Variants in SPSB1 observed in about 807,000 individuals in gnomAD.
SPSB1 encodes SPRY domain-containing SOCS box protein 1.
A neutral mutation model predicts 21.2 loss-of-function variants in SPSB1; 8 were observed. That is an observed-to-expected ratio of 0.38 (90% CI 0.22 to 0.68). The LOEUF (loss-of-function observed/expected upper bound fraction) is 0.68. SPSB1 is among the 30% of genes least tolerant of loss of function. SPSB1 has a pLI of 0.53. For missense variants in SPSB1, 242 were observed against 377.8 expected (o/e 0.64, Z 2.98); for synonymous variants, 169 against 161.7 (o/e 1.05, Z -0.34).
chr1:9,354,472 G>T (rs1225000268), intron 1 of SPSB1, among the ~76,000 whole-genome samples: 1 of 152,056 alleles, frequency 6.6e-6, no homozygotes, highest in Non-Finnish European at 1.5e-5. Flanking sequence ...GGCCAAGGAG[G>T]TTCTTGATGG....
chr1:9,331,644 A>G (rs1393375612), intron 1 of SPSB1, among the ~76,000 whole-genome samples: 1 of 151,948 alleles, frequency 6.6e-6, no homozygotes, highest in Non-Finnish European at 1.5e-5. Flanking sequence ...ACTCATTCTT[A>G]TGGGCTCACG....
intron 1 of SPSB1, among the ~76,000 whole-genome samples, chr1:9,307,318 C>T (rs1341603505): frequency 1.3e-5 from 2 of 152,198 alleles, no homozygotes; most frequent in Non-Finnish European, 2.9e-5. Context: ...TTCACAATGT[C>T]GTGCAACTAT....
rs1557452801 is a variant in SPSB1, at chr1:9,324,154, A to G, written c.-150+31083A>G. Among the ~76,000 whole-genome samples the G allele has an allele frequency of 6.6e-6, 1 of 152,010 alleles. No individual in the cohort carries two copies. Among genetic ancestry groups the G allele is most frequent in the Admixed American group, 6.5e-5 (1 of 15,274 alleles). Reference sequence around the variant, plus strand: ...TTTGTGTGCCAAAGTGGGGAACCATATTTCTGGTAGATAATCACTGGTTTT... The same window carrying G: ...TTTGTGTGCCAAAGTGGGGAACCATGTTTCTGGTAGATAATCACTGGTTTT... On this transcript the variant is annotated intron_variant, in intron 1 of 2. Transcript: ENST00000328089. The surrounding 1 kb of genome is among the most constrained non-coding windows in gnomAD (Gnocchi z 4.3).
chr1:9,300,048 G>A (rs1280593047), intron 1 of SPSB1, among the ~76,000 whole-genome samples: 2 of 151,300 alleles, frequency 1.3e-5, no homozygotes, highest in Non-Finnish European at 2.9e-5. Flanking sequence ...GCAAGAAGTC[G>A]CAACCACTGT....
intron 1 of SPSB1, among the ~76,000 whole-genome samples, chr1:9,343,498 C>A (rs1488450112): frequency 6.6e-6 from 1 of 152,140 alleles, no homozygotes; most frequent in Non-Finnish European, 1.5e-5. Flanking sequence ...ATTTGTTTAT[C>A]CATGCATCCA....
intron 2 of SPSB1, among the ~76,000 whole-genome samples, chr1:9,357,827 C>A (rs761195965): frequency 1.1e-4 from 16 of 152,082 alleles, no homozygotes; most frequent in South Asian, 2.1e-4. Context: ...CGTTGCAGAA[C>A]GGCTCACCCC....
intron 2 of SPSB1, among the ~76,000 whole-genome samples, chr1:9,360,564 G>A (rs4908855): frequency 0.34 from 52,133 of 152,060 alleles, 9,734 homozygotes; most frequent in East Asian, 0.57. Context: ...GGGGGAGCCC[G>A]CCCCATGCCT....
intron 1 of SPSB1, among the ~76,000 whole-genome samples, chr1:9,300,302 A>G (rs1452284012): frequency 1.3e-5 from 2 of 152,216 alleles, no homozygotes; most frequent in Admixed American, 6.5e-5. Flanking sequence ...GTGTTACTCC[A>G]GCCCATTTGC....
intron 1 of SPSB1, among the ~76,000 whole-genome samples, chr1:9,297,368 C>T (rs1639242909): frequency 6.6e-6 from 1 of 152,068 alleles, no homozygotes; most frequent in African/African-American, 2.4e-5. Context: ...TTGGAAAAAC[C>T]TACCTGTGAC....
intron 1 of SPSB1, among the ~76,000 whole-genome samples, chr1:9,352,784 C>T (rs1182575647): frequency 6.6e-6 from 1 of 151,654 alleles, no homozygotes; most frequent in Non-Finnish European, 1.5e-5. Flanking sequence ...CTGGCATTTT[C>T]AATTACCTGC....
intron 2 of SPSB1, among the ~76,000 whole-genome samples, chr1:9,366,577 CTTTT>C (rs35877709): frequency 7.4e-6 from 1 of 135,540 alleles, no homozygotes; most frequent in Non-Finnish European, 1.6e-5. Flanking sequence ...GTCCTCAGTT[CTTTT>C]TTTTTTTTTT....
chr1:9,367,104 G>A lies in SPSB1; in HGVS notation c.695-344G>A, dbSNP rs1640588407. On this transcript the variant is annotated intron_variant, in intron 2 of 2. Coordinates refer to ENST00000328089, the MANE Select transcript of SPSB1 (RefSeq NM_025106.4). This position sits in a 1 kb window ranked among gnomAD's most constrained non-coding sequence, Gnocchi z 5.9. ...TCCTAGCTGCATCTCCTGCCAGCAG[G>A]GCGACCCCTGGCAAGTCATTTAGAC... Among the ~76,000 whole-genome samples, 1 of 152,100 alleles carries A rather than the reference G, an allele frequency of 6.6e-6. No homozygotes were observed. The highest frequency in any genetic ancestry group is 1.5e-5 in the Non-Finnish European group (1 of 68,020).
Position 9,293,173 on chromosome 1 carries a change from T to G in SPSB1, c.-150+102T>G. ...AGGGCGGACGCGGGGATCGCGCCGC[T>G]GGGGGACCGAGTGGGTGGCGCGGGG... On this transcript the variant is annotated intron_variant, in intron 1 of 2. Transcript: ENST00000328089. The surrounding 1 kb of genome is among the most constrained non-coding windows in gnomAD (Gnocchi z 5.1). The G allele has an allele frequency of 1.0e-6, 1 of 960,776 alleles. No homozygotes were observed. The allele number at this position is 960,776 out of a possible 1,614,324, so 59.5% of individuals were successfully genotyped here.
chr1:9,296,449 GT>G (rs1266241972), intron 1 of SPSB1, among the ~76,000 whole-genome samples: 2 of 152,168 alleles, frequency 1.3e-5, no homozygotes, highest in Non-Finnish European at 2.9e-5. Context: ...GAAATTTTTT[GT>G]TATTATGGAA....
chr1:9,311,634 G>T (rs58018233), intron 1 of SPSB1, among the ~76,000 whole-genome samples: 6,170 of 152,130 alleles, frequency 0.041, 439 homozygotes, highest in African/African-American at 0.14. Flanking sequence ...TATGGGGCAG[G>T]GGAGCATTCT....
intron 1 of SPSB1, among the ~76,000 whole-genome samples, chr1:9,332,330 T>C (rs1416159300): frequency 6.6e-6 from 1 of 152,046 alleles, no homozygotes; most frequent in Non-Finnish European, 1.5e-5. Context: ...TCAGCAACTA[T>C]GGGGGCAGCA....
rs1012220345 is a variant in SPSB1 at position 9,324,779 on chromosome 1, C to T, written c.-149-30964C>T. 1.3e-5 allele frequency among the ~76,000 whole-genome samples: 2 copies of T among 152,208 alleles called. No homozygotes were observed. The highest frequency in any genetic ancestry group is 3.9e-4 in the East Asian group (2 of 5,188). On this transcript the variant is annotated intron_variant, in intron 1 of 2. Coordinates refer to ENST00000328089, the MANE Select transcript of SPSB1 (RefSeq NM_025106.4). The surrounding 1 kb of genome is among the most constrained non-coding windows in gnomAD (Gnocchi z 4.3). ...GAGCCACAGCTCACTCTGACAAAAA[C>T]GCTTGTGGCCCTGGACTTCTTAGAG...
chr1:9,328,714 C>T (rs994593697), intron 1 of SPSB1, among the ~76,000 whole-genome samples: 1 of 152,200 alleles, frequency 6.6e-6, no homozygotes, highest in Non-Finnish European at 1.5e-5. Context: ...TGCTTCTGGG[C>T]ACGTGAAGAT....
chr1:9,349,078 G>A (rs565586440), intron 1 of SPSB1, among the ~76,000 whole-genome samples: 19 of 152,218 alleles, frequency 1.2e-4, no homozygotes, highest in East Asian at 1.9e-4. Flanking sequence ...TGGTGTCCCC[G>A]CAGGTAGCCC....
Sources: gnomAD v4.1 joint callset for allele counts (sites outside exome capture counted in the v4.1 genomes callset) on GRCh38, gnomAD v4.1.1 for gene constraint, Gnocchi (gnomAD v3.1) non-coding constraint, MANE v1.5 for transcripts, NCBI Gene and HGNC (gene_info 2026-07-23, HGNC 2026-07-21) for gene names.